The following CALN1 variants were observed in gnomAD, a reference collection of about 807,000 sequenced individuals.
CALN1 encodes calcium-binding protein 8.
Under a neutral mutation model 30.6 loss-of-function variants are expected in CALN1, and 17 were observed. The observed-to-expected ratio is 0.56, with a 90% CI of 0.38 to 0.83. CALN1 has a LOEUF of 0.83. Among genes scored for constraint, CALN1 ranks in the 40% least tolerant of loss-of-function variants. The probability of loss-of-function intolerance (pLI) is 0.00; values close to 1 mark genes in which losing one functional copy is unlikely to be tolerated. For missense variants in CALN1, 291 were observed against 354.9 expected (o/e 0.82, Z 1.45); for synonymous variants, 156 against 131.4 (o/e 1.19, Z -1.28).
intron 4 of CALN1, among the ~76,000 whole-genome samples, chr7:72,037,977 C>G (rs1340487078): frequency 1.3e-5 from 2 of 152,162 alleles, no homozygotes; most frequent in Non-Finnish European, 2.9e-5. Flanking sequence ...GATGGAGGAA[C>G]AGGATACTGG....
At chr7:72,455,560 G>T in the CALN1 span, among the ~76,000 whole-genome samples, 2 of 151,908 alleles carry the variant, frequency 1.3e-5, no homozygotes, top group African/African-American at 4.8e-5. Context: ...TCAAACAATT[G>T]CAAAGGAGGA....
chr7:72,407,681 T>C (rs778363599), intron 1 of CALN1, among the ~76,000 whole-genome samples: 2 of 152,166 alleles, frequency 1.3e-5, no homozygotes, highest in Non-Finnish European at 2.9e-5. Flanking sequence ...CTTTGTAAAT[T>C]ACCCAGTCTC....
chr7:71,832,567 C>T (rs1789352651), intron 5 of CALN1, among the ~76,000 whole-genome samples: 1 of 152,112 alleles, frequency 6.6e-6, no homozygotes, highest in African/African-American at 2.4e-5. Context: ...GTTCCTTCAT[C>T]ATTGAGTCCA....
the CALN1 span, among the ~76,000 whole-genome samples, chr7:72,465,857 C>T: frequency 5.9e-5 from 9 of 152,192 alleles, no homozygotes; most frequent in Non-Finnish European, 1.3e-4. Context: ...CTTCAGCCTT[C>T]CAGGCTCCAG....
chr7:72,360,006 G>C (rs1054477236), intron 2 of CALN1, among the ~76,000 whole-genome samples: 1 of 116,068 alleles, frequency 8.6e-6, no homozygotes, highest in Non-Finnish European at 1.7e-5. Context: ...AGTTGACCTG[G>C]ATTCTGCAAA....
intron 1 of CALN1, among the ~76,000 whole-genome samples, chr7:72,446,214 C>T (rs1210459707): frequency 6.6e-6 from 1 of 152,106 alleles, no homozygotes; most frequent in African/African-American, 2.4e-5. Flanking sequence ...AGCATTTCAC[C>T]CAGAAGTCAC....
chr7:71,953,418 A>G (rs891827245), intron 5 of CALN1, among the ~76,000 whole-genome samples: 1 of 152,152 alleles, frequency 6.6e-6, no homozygotes. Flanking sequence ...ATCATCTTAA[A>G]TGACCACTCC....
At chr7:72,102,096 C>G (rs1451201608) in intron 4 of CALN1, among the ~76,000 whole-genome samples, 1 of 152,162 alleles carries the variant, frequency 6.6e-6, no homozygotes, top group Non-Finnish European at 1.5e-5. Context: ...ATGGCACGAT[C>G]TTGGCTCACC....
upstream of CALN1, among the ~76,000 whole-genome samples, chr7:72,413,676 CAT>C (rs374601546): frequency 4.5e-4 from 68 of 152,134 alleles, no homozygotes; most frequent in Middle Eastern, 3.4e-3. Context: ...CACTCATACA[CAT>C]ATACATTCAC....
intron 3 of CALN1, among the ~76,000 whole-genome samples, chr7:72,126,834 A>G (rs977656424): frequency 4.6e-5 from 7 of 152,126 alleles, no homozygotes; most frequent in Middle Eastern, 3.4e-3. Context: ...GAGGGATGAA[A>G]GACTATAATA....
intron 2 of CALN1, among the ~76,000 whole-genome samples, chr7:72,289,352 C>A (rs188779700): frequency 3.3e-5 from 5 of 152,202 alleles, no homozygotes; most frequent in African/African-American, 1.2e-4. Flanking sequence ...AGCTGGGAGG[C>A]CAATAACTAT....
chr7:72,038,453 GT>G (rs1192021996), intron 4 of CALN1, among the ~76,000 whole-genome samples: 1 of 151,206 alleles, frequency 6.6e-6, no homozygotes, highest in Non-Finnish European at 1.5e-5. Context: ...ACAGCTCACT[GT>G]AACTTTGAAC....
chr7:72,219,435 G>A (rs1288615851), intron 3 of CALN1, among the ~76,000 whole-genome samples: 1 of 151,932 alleles, frequency 6.6e-6, no homozygotes, highest in African/African-American at 2.4e-5. Context: ...TTGCTGTGTT[G>A]CCCAGGCTGA....
In CALN1 at chr7:72,434,334, C is replaced by A. The variant is rs373338849; in HGVS notation, c.-226+12708G>T. ...CCTGGCCAACATGCTAAAACCCCGTCTCTACTAAAATACCAAAAAAAAAAA... is the reference window on the plus strand; with the variant it reads ...CCTGGCCAACATGCTAAAACCCCGTATCTACTAAAATACCAAAAAAAAAAA... On this transcript the variant is annotated intron_variant, in intron 1 of 6. Coordinates refer to the CALN1 transcript ENST00000395276. Among the ~76,000 whole-genome samples the A allele has an allele frequency of 3.2e-3, 472 of 147,650 alleles. 2 individuals carry two copies. The highest frequency in any genetic ancestry group is 0.011 in the African/African-American group (445 of 39,912).
At chr7:72,215,331 C>T (rs958332888) in intron 3 of CALN1, among the ~76,000 whole-genome samples, 14 of 152,122 alleles carry the variant, frequency 9.2e-5, no homozygotes, top group Non-Finnish European at 1.8e-4. Context: ...CAGTGGCTCA[C>T]GCCTGTAATC....
At chr7:72,361,983 C>G (rs189448383) in intron 2 of CALN1, among the ~76,000 whole-genome samples, 137 of 151,952 alleles carry the variant, frequency 9.0e-4, no homozygotes, top group African/African-American at 3.2e-3. Context: ...TTTTTTAATG[C>G]GAGTTCTAGA....
chr7:72,222,554 G>GC (rs1456828215), intron 3 of CALN1, among the ~76,000 whole-genome samples: 2 of 152,074 alleles, frequency 1.3e-5, no homozygotes, highest in African/African-American at 4.8e-5. Flanking sequence ...ATCCTACCAG[G>GC]CCCCCCTCCA....
At chr7:72,145,377 T>C (rs1388587414) in intron 3 of CALN1, among the ~76,000 whole-genome samples, 4 of 151,872 alleles carry the variant, frequency 2.6e-5, no homozygotes, top group African/African-American at 7.3e-5. Flanking sequence ...CTAGAAGAAA[T>C]CGATAAATTC....
At chr7:72,275,581 C>T (rs1022523007) in intron 3 of CALN1, among the ~76,000 whole-genome samples, 2 of 152,150 alleles carry the variant, frequency 1.3e-5, no homozygotes, top group African/African-American at 2.4e-5. Flanking sequence ...GGCCCTTCCC[C>T]AGGCTGAGAG....
Sources: allele counts gnomAD v4.1 joint callset (sites outside exome capture counted in the v4.1 genomes callset), GRCh38; gene constraint gnomAD v4.1.1; transcripts MANE v1.5; gene names NCBI Gene and HGNC (gene_info 2026-07-23, HGNC 2026-07-21).